Variants in DAAM1 observed in about 807,000 individuals in gnomAD.
DAAM1 encodes disheveled-associated activator of morphogenesis 1.
Under a neutral mutation model 130.0 loss-of-function variants are expected in DAAM1, and 52 were observed. The observed-to-expected ratio is 0.40, with a 90% CI of 0.32 to 0.50. DAAM1 has a LOEUF of 0.50. Among genes scored for constraint, DAAM1 ranks in the 20% least tolerant of loss-of-function variants. The pLI, the probability that DAAM1 is intolerant of heterozygous loss-of-function variation, is 0.61. For missense variants in DAAM1, 1,134 were observed against 1,303.8 expected, an observed-to-expected ratio of 0.87 and a Z score of 2.01; for synonymous variants, 452 against 444.5, an observed-to-expected ratio of 1.02 and a Z score of -0.21.
intron 1 of DAAM1, among the ~76,000 whole-genome samples, chr14:59,226,383 A>G (rs1404991544): frequency 6.6e-6 from 1 of 152,200 alleles, no homozygotes; most frequent in Non-Finnish European, 1.5e-5. Context: ...AAACACACAC[A>G]CACACACGTA....
At position 59,371,368 on chromosome 14, in the gene DAAM1, G is replaced by A. The variant is rs1038109835; in HGVS notation, c.*2509G>A. On this transcript the variant is annotated 3_prime_UTR_variant, in exon 25 of 25. Transcript: ENST00000360909. Reference sequence around the variant, plus strand: ...GACTGTACATGTTTTTTTAAAAATAGCAATATGCAATAAAGAGATGAATTC... The same window carrying A: ...GACTGTACATGTTTTTTTAAAAATAACAATATGCAATAAAGAGATGAATTC... The A allele has an allele frequency of 6.6e-6, 1 of 151,868 alleles. No individual in the cohort carries two copies. The highest frequency in any genetic ancestry group is 2.4e-5 in the African/African-American group (1 of 41,378). The allele number at this position is 151,868 out of a possible 1,614,324, so 9.4% of individuals were successfully genotyped here.
intron 15 of DAAM1, chr14:59,338,538 C>A: frequency 2.0e-6 from 2 of 976,638 alleles, no homozygotes; most frequent in Non-Finnish European, 3.1e-6. Context: ...AATCTAATGC[C>A]TAGGTAACTC....
intron 3 of DAAM1, among the ~76,000 whole-genome samples, chr14:59,299,360 T>C (rs919860833): frequency 6.6e-6 from 1 of 152,210 alleles, no homozygotes; most frequent in African/African-American, 2.4e-5. Context: ...CTCTGTAAAA[T>C]GAGATTAACT....
chr14:59,287,482 A>G (rs1196620368), intron 2 of DAAM1, among the ~76,000 whole-genome samples: 2 of 152,188 alleles, frequency 1.3e-5, no homozygotes, highest in African/African-American at 4.8e-5. Context: ...TAAGAGAGGA[A>G]GTCAAACTGT....
Position 59,330,643 on chromosome 14 carries a change from G to A in DAAM1, c.1515G>A (p.Lys505=). 5 of 1,613,870 alleles carry A rather than the reference G, an allele frequency of 3.1e-6. No individual in the cohort carries two copies. The highest frequency in any genetic ancestry group is 4.2e-6 in the Non-Finnish European group (5 of 1,179,934). ...AGACTACTGAGCATAAGCAAGTCAA[G>A]CAGCAGGTGGCGGACCTCACAGCAC... is the stretch of plus-strand genomic sequence containing the variant. ...EKETTEHKQV[K]QQVADLTAQL... Residue 505 remains lysine (K), a synonymous_variant, in exon 13 of 25, where the codon AAG becomes AAA. Coordinates refer to ENST00000360909, the MANE Select transcript of DAAM1 (RefSeq NM_001270520.2).
intron 15 of DAAM1, among the ~76,000 whole-genome samples, chr14:59,334,709 A>G (rs568851215): frequency 1.3e-5 from 2 of 152,356 alleles, no homozygotes; most frequent in East Asian, 3.9e-4. Flanking sequence ...ACACACATAT[A>G]TGCTTACACA....
In DAAM1 at chr14:59,370,692, A is replaced by G. The variant is rs1887133209; in HGVS notation, c.*1833A>G. On this transcript the variant is annotated 3_prime_UTR_variant, in exon 25 of 25. Transcript: ENST00000360909. ...ACAAAGCAGAGGTTGCACTCCCCCA[A>G]TCCCGAGTTAACCCAGGTCTGCAAT... 2 of 152,158 alleles carry G rather than the reference A, an allele frequency of 1.3e-5. No homozygotes were observed. Among genetic ancestry groups the G allele is most frequent in the East Asian group, 1.9e-4 (1 of 5,206 alleles). The allele number at this position is 152,158 out of a possible 1,614,324, so 9.4% of individuals were successfully genotyped here.
chr14:59,237,709 G>A (rs1260008982), intron 1 of DAAM1, among the ~76,000 whole-genome samples: 1 of 152,022 alleles, frequency 6.6e-6, no homozygotes, highest in African/African-American at 2.4e-5. Context: ...CCTGTTAGCC[G>A]AAAAAACTGC....
intron 3 of DAAM1, 164 bp downstream of exon 3, chr14:59,291,470 G>T: frequency 1.7e-6 from 1 of 580,908 alleles, no homozygotes. Flanking sequence ...CAATTCCCTG[G>T]ATGTTGTTTT....
Position 59,272,405 on chromosome 14 carries a change from C to A in DAAM1, c.183+8745C>A, listed in dbSNP as rs150163873. Among the ~76,000 whole-genome samples the A allele has an allele frequency of 3.7e-3, 566 of 152,046 alleles. 5 individuals carry two copies. The highest frequency in any genetic ancestry group is 0.013 in the African/African-American group (518 of 41,434). ...ACCAGCCTGGCCAACATGGTGAAAC[C>A]CCATCTTTACTATTAATAAAATTAG... On this transcript the variant is annotated intron_variant, in intron 2 of 24. Coordinates refer to ENST00000360909, the MANE Select transcript of DAAM1 (RefSeq NM_001270520.2).
At chr14:59,348,528 G>T (rs1001698559) in intron 17 of DAAM1, among the ~76,000 whole-genome samples, 2 of 152,170 alleles carry the variant, frequency 1.3e-5, no homozygotes, top group African/African-American at 4.8e-5. Flanking sequence ...TTTTGGGGAT[G>T]GGCTCACATT....
intron 1 of DAAM1, among the ~76,000 whole-genome samples, chr14:59,229,412 T>C (rs1889037875): frequency 6.6e-6 from 1 of 152,224 alleles, no homozygotes; most frequent in African/African-American, 2.4e-5. Context: ...CTAATTCGTC[T>C]TTATGACATA....
intron 5 of DAAM1, among the ~76,000 whole-genome samples, chr14:59,322,474 A>G (rs2050408645): frequency 6.7e-6 from 1 of 150,092 alleles, no homozygotes; most frequent in South Asian, 2.1e-4. Flanking sequence ...GTGAGCTATG[A>G]CAGAGCAAGA....
chr14:59,237,327 A>C (rs764816914), intron 1 of DAAM1, among the ~76,000 whole-genome samples: 6 of 152,196 alleles, frequency 3.9e-5, no homozygotes, highest in Non-Finnish European at 5.9e-5. Flanking sequence ...AATACATATT[A>C]GAGGCTGTTG....
At chr14:59,364,059 A>G (rs1210357080) in intron 23 of DAAM1, among the ~76,000 whole-genome samples, 5 of 152,306 alleles carry the variant, frequency 3.3e-5, no homozygotes, top group African/African-American at 1.2e-4. Context: ...TCTGAATGGT[A>G]TAAGACCAGC....
chr14:59,196,612 G>A (rs1200475782), intron 1 of DAAM1, among the ~76,000 whole-genome samples: 4 of 151,978 alleles, frequency 2.6e-5, no homozygotes, highest in African/African-American at 9.7e-5. Context: ...GCGTGGTGGC[G>A]GGCGCCTGTA....
chr14:59,285,045 A>C (rs745997137), intron 2 of DAAM1, among the ~76,000 whole-genome samples: 1 of 152,146 alleles, frequency 6.6e-6, no homozygotes, highest in Non-Finnish European at 1.5e-5. Context: ...AAAAATCTTA[A>C]AGGCAGCTAG....
In DAAM1 at chr14:59,258,474, G is replaced by A. The variant is rs1285652936; in HGVS notation, c.-37-4967G>A. Among the ~76,000 whole-genome samples the A allele has an allele frequency of 2.0e-5, 3 of 152,312 alleles. No individual in the cohort carries two copies. The East Asian group carries it at 5.8e-4, about 29-fold the overall frequency. On this transcript the variant is annotated intron_variant, in intron 1 of 24. Transcript: ENST00000360909. ...TGAAATGGGGGTGATGAAATGAAGT[G>A]ATAGTCTCCTCTTAAGTCTTACCTG...
intron 1 of DAAM1, among the ~76,000 whole-genome samples, chr14:59,218,489 G>A (rs1417924818): frequency 6.6e-6 from 1 of 152,188 alleles, no homozygotes; most frequent in East Asian, 1.9e-4. Context: ...CTAAAGGGGT[G>A]TGAATATTCA....
Sources: gnomAD v4.1 joint callset for allele counts (sites outside exome capture counted in the v4.1 genomes callset) on GRCh38, gnomAD v4.1.1 for gene constraint, MANE v1.5 for transcripts, NCBI Gene and HGNC (gene_info 2026-07-23, HGNC 2026-07-21) for gene names.